The following FAAP20 variants were observed in gnomAD, a reference collection of about 807,000 sequenced individuals.
FAAP20 encodes FA core complex associated protein 20.
A neutral mutation model predicts 16.2 loss-of-function variants in FAAP20; 12 were observed. That is an observed-to-expected ratio of 0.74 (90% CI 0.48 to 1.20). The LOEUF is 1.20. FAAP20 is among the 50% of genes most tolerant of loss of function. FAAP20 has a pLI of 0.00. For synonymous variants in FAAP20, 141 were observed against 110.7 expected (o/e 1.27, Z -1.72); for missense variants, 288 against 245.8 (o/e 1.17, Z -1.15).
At chr1:2,207,921 T>C (rs1025513190), downstream of FAAP20, among the ~76,000 whole-genome samples, 215 of 87,896 alleles carry the variant, frequency 2.4e-3, no homozygotes, top group African/African-American at 5.0e-3. Context: ...TGTGTGTGTG[T>C]GTGTGTGTGT....
chr1:2,200,948 A>T, upstream of FAAP20: 1 of 1,194,038 alleles, frequency 8.4e-7, no homozygotes, highest in Non-Finnish European at 1.1e-6. Flanking sequence ...CTTTGTCCCC[A>T]GTTCAGCACG....
downstream of FAAP20, among the ~76,000 whole-genome samples, chr1:2,211,410 T>C (rs1689434536): frequency 1.0e-4 from 2 of 19,512 alleles, no homozygotes; most frequent in East Asian, 2.8e-3. Flanking sequence ...TATATATATA[T>C]ATATATATAT....
downstream of FAAP20, among the ~76,000 whole-genome samples, chr1:2,211,604 C>T (rs1263598752): frequency 5.5e-4 from 83 of 150,494 alleles, no homozygotes; most frequent in African/African-American, 1.9e-3. Context: ...CCCGCCACCA[C>T]GCCCGGCTAA....
At chr1:2,188,849 C>A (rs544325118), downstream of FAAP20, among the ~76,000 whole-genome samples, 341 of 151,246 alleles carry the variant, frequency 2.3e-3, 1 homozygote, top group African/African-American at 7.8e-3. Flanking sequence ...ACTGAAAACA[C>A]AAAAAATTAG....
rs1688507845 is a variant in FAAP20, at chr1:2,193,676, G to T, written c.433C>A (p.Arg145Ser). Residue 145 changes from arginine to serine, a missense_variant, in exon 3 of 4, where the codon CGC becomes AGC. Transcript: ENST00000378546. The part of the protein sequence containing the change: ...QPSVEGAAAL[R>S]SCPMCQKEFA... ...TCCTTCTGGCACATGGGGCAGCTGCGCAGGGCCGCGGCACCCTCCACAGAC... is the reference window on the plus strand; with the variant it reads ...TCCTTCTGGCACATGGGGCAGCTGCTCAGGGCCGCGGCACCCTCCACAGAC... The T allele has an allele frequency of 6.2e-7, 1 of 1,600,596 alleles. No individual in the cohort carries two copies. The highest frequency in any genetic ancestry group is 1.4e-5 in the African/African-American group (1 of 73,996).
At chr1:2,195,185 C>G (rs553194100), upstream of FAAP20, among the ~76,000 whole-genome samples, 99 of 152,368 alleles carry the variant, frequency 6.5e-4, no homozygotes, top group African/African-American at 2.2e-3. Flanking sequence ...TCGCCACCAC[C>G]GTTTCTTTAC....
chr1:2,190,299 A>G (rs1417477212), intron 3 of FAAP20: 3 of 456,280 alleles, frequency 6.6e-6, no homozygotes, highest in Non-Finnish European at 1.3e-5. Flanking sequence ...ACCGGCGTGC[A>G]GGCTGCCAAC....
chr1:2,211,361 C>CTGGGATTACAG (rs1689431321), downstream of FAAP20, among the ~76,000 whole-genome samples: 1 of 122,270 alleles, frequency 8.2e-6, no homozygotes, highest in African/African-American at 3.2e-5. Flanking sequence ...TCCCAAGTAG[C>CTGGGATTACAG]TGGGATTACA....
downstream of FAAP20, among the ~76,000 whole-genome samples, chr1:2,208,798 C>T (rs1222015275): frequency 6.6e-6 from 1 of 152,228 alleles, no homozygotes; most frequent in Non-Finnish European, 1.5e-5. Context: ...CAGCCAGTCA[C>T]TCCAGCTCTG....
downstream of FAAP20, among the ~76,000 whole-genome samples, chr1:2,188,447 C>T (rs1279639004): frequency 6.6e-6 from 1 of 152,226 alleles, no homozygotes; most frequent in South Asian, 2.1e-4. Context: ...GGGCTTCAAC[C>T]AGACTCTCTC....
downstream of FAAP20, among the ~76,000 whole-genome samples, chr1:2,188,958 T>C (rs1687846757): frequency 7.0e-6 from 1 of 142,228 alleles, no homozygotes; most frequent in Non-Finnish European, 1.5e-5. Context: ...TGAGCCGAAA[T>C]CGCGCCACTG....
intron 3 of FAAP20, chr1:2,190,691 C>T (rs1688118747): frequency 9.1e-6 from 3 of 329,068 alleles, no homozygotes; most frequent in Non-Finnish European, 1.8e-5. Context: ...GGGCCTAGAT[C>T]TTGCTGGAGG....
chr1:2,202,608 C>T (rs1689093711), upstream of FAAP20, among the ~76,000 whole-genome samples: 1 of 152,070 alleles, frequency 6.6e-6, no homozygotes, highest in Non-Finnish European at 1.5e-5. Context: ...GGACTACAGG[C>T]ACAAGCCACC....
At chr1:2,195,609 G>A (rs1385605978), upstream of FAAP20, among the ~76,000 whole-genome samples, 1 of 152,224 alleles carries the variant, frequency 6.6e-6, no homozygotes, top group East Asian at 1.9e-4. Context: ...CACCCCTCCT[G>A]CAGGGCTCCC....
chr1:2,204,325 A>T (rs1689156415), upstream of FAAP20, among the ~76,000 whole-genome samples: 1 of 152,250 alleles, frequency 6.6e-6, no homozygotes, highest in Admixed American at 6.5e-5. Flanking sequence ...AGGTGCACGC[A>T]TAGAGGCTGC....
upstream of FAAP20, chr1:2,200,253 G>GGTGT (rs1688995856): frequency 6.6e-6 from 1 of 152,006 alleles, no homozygotes; most frequent in South Asian, 2.1e-4. Flanking sequence ...AAATTAGCTG[G>GGTGT]GTGTGGTGGT....
downstream of FAAP20, chr1:2,189,472 T>C: frequency 1.8e-6 from 1 of 567,860 alleles, no homozygotes; most frequent in Non-Finnish European, 3.2e-6. Context: ...CTTCCCCGCC[T>C]GGGGCTGTGT....
downstream of FAAP20, among the ~76,000 whole-genome samples, chr1:2,188,749 T>C (rs1687825329): frequency 6.6e-6 from 1 of 152,220 alleles, no homozygotes; most frequent in Non-Finnish European, 1.5e-5. Flanking sequence ...CTCACGCCTG[T>C]AATCCCAGCA....
downstream of FAAP20, among the ~76,000 whole-genome samples, chr1:2,189,343 A>C (rs574473978): frequency 2.0e-3 from 301 of 151,042 alleles, no homozygotes; most frequent in South Asian, 6.7e-3. Context: ...AAAAAAAAAA[A>C]ACAAAAAAAA....
Sources: gnomAD v4.1 joint callset for allele counts (sites outside exome capture counted in the v4.1 genomes callset) on GRCh38, gnomAD v4.1.1 for gene constraint, MANE v1.5 for transcripts, NCBI Gene and HGNC (gene_info 2026-07-23, HGNC 2026-07-21) for gene names.